Variants in IL33 observed in about 807,000 individuals in gnomAD.
IL33 encodes interleukin 33, also known as interleukin-33.
In IL33, 37 loss-of-function variants were observed where a neutral mutation model predicts 27.3. The ratio of observed to expected loss-of-function variants is 1.36; its 90% CI spans 1.04 to 1.78. IL33 has a LOEUF of 1.78. Among genes scored for constraint, IL33 ranks in the 40% most tolerant of loss-of-function variants. The pLI is 0.00. For synonymous variants in IL33, 132 were observed against 102.9 expected (o/e 1.28, Z -1.71); for missense variants, 406 against 311.4 (o/e 1.30, Z -2.29).
intron 1 of IL33, among the ~76,000 whole-genome samples, chr9:6,219,377 G>T (rs1485737450): frequency 1.3e-5 from 2 of 152,046 alleles, no homozygotes; most frequent in Non-Finnish European, 2.9e-5. Context: ...AGTGGTAAGG[G>T]GGAGTGAGGA....
chr9:6,230,121 A>C (rs923420411), intron 1 of IL33, among the ~76,000 whole-genome samples: 1 of 152,220 alleles, frequency 6.6e-6, no homozygotes, highest in African/African-American at 2.4e-5. Flanking sequence ...GCCAATGTAT[A>C]GAAATGACTG....
intron 1 of IL33, among the ~76,000 whole-genome samples, chr9:6,229,860 G>C (rs1818842287): frequency 6.6e-6 from 1 of 152,086 alleles, no homozygotes; most frequent in Non-Finnish European, 1.5e-5. Context: ...AGGGAGAGAG[G>C]AAACAATAAA....
intron 4 of IL33, among the ~76,000 whole-genome samples, chr9:6,252,044 C>A (rs10758751): frequency 0.72 from 73,344 of 102,288 alleles, 25,212 homozygotes; most frequent in East Asian, 0.82. Context: ...AGAAAAAAAA[C>A]AAACAAACAA....
intron 1 of IL33, among the ~76,000 whole-genome samples, chr9:6,240,048 G>C (rs547242676): frequency 3.9e-4 from 60 of 152,112 alleles, no homozygotes; most frequent in African/African-American, 1.4e-3. Flanking sequence ...CTACTTATTT[G>C]CTCTATACTA....
At chr9:6,235,391 TATGTATAAACTATTAAACATTA>T (rs1464634373) in intron 1 of IL33, among the ~76,000 whole-genome samples, 9 of 152,226 alleles carry the variant, frequency 5.9e-5, no homozygotes, top group Non-Finnish European at 1.3e-4. Context: ...ATCAAAGATT[TATGTATAAACTATTAAACATTA>T]AAGTTTTAGA....
In IL33 at chr9:6,251,161, T is replaced by C. The variant is rs745538437; in HGVS notation, c.239T>C (p.Leu80Pro). The C allele has an allele frequency of 1.5e-5, 24 of 1,613,794 alleles. No individual in the cohort carries two copies. Among genetic ancestry groups the C allele is most frequent in the Non-Finnish European group, 1.9e-5 (22 of 1,179,876 alleles). The change falls in exon 4 of 8, where the codon CTG becomes CCG. Residue 80 changes from leucine (L) to proline (P), a missense_variant. Transcript: ENST00000682010. ...LKTGRKHKRH[L>P]VLAACQQQST... ...GCAGGTAGAAAGCACAAAAGACATC[T>C]GGTACTCGCTGCCTGTCAACAGCAG...
chr9:6,256,227 T>A lies in IL33; in HGVS notation c.*59T>A, dbSNP rs1479842662. On this transcript the variant is annotated 3_prime_UTR_variant, in exon 8 of 8. Transcript: ENST00000682010. Reference sequence around the variant, plus strand: ...CCAAATGCTACCACTGGAGAAGGAATGAGAGATAAAGAAAGAGACAGGTGA... The same window carrying A: ...CCAAATGCTACCACTGGAGAAGGAAAGAGAGATAAAGAAAGAGACAGGTGA... 1.6e-6 allele frequency: 2 copies of A among 1,252,400 alleles called. No homozygotes were observed. Among genetic ancestry groups the A allele is most frequent in the East Asian group, 2.3e-5 (1 of 43,146 alleles). 77.6% of individuals were successfully genotyped at this position (1,252,400 alleles called of 1,614,324 possible). A position where few individuals can be genotyped will look rare whatever the true frequency, so the allele number is the denominator to read the frequency against.
intron 1 of IL33, among the ~76,000 whole-genome samples, chr9:6,216,330 C>G (rs1479389052): frequency 3.9e-5 from 6 of 152,122 alleles, no homozygotes; most frequent in Non-Finnish European, 8.8e-5. Context: ...AGGGTCTTTG[C>G]TTTGTTGCCA....
At chr9:6,250,350 G>T (rs1816275810) in intron 2 of IL33, 124 bp from the exon 3 acceptor site, 1 of 1,143,162 alleles carries the variant, frequency 8.7e-7, no homozygotes, top group Non-Finnish European at 1.2e-6. Flanking sequence ...ACACAGCTGA[G>T]TTAAGGATTT....
rs925807375 is a variant in IL33, at chr9:6,218,553, G to A, written c.-12+2701G>A. 3.4e-4 allele frequency among the ~76,000 whole-genome samples: 51 copies of A among 150,816 alleles called. 1 individual carries two copies. The East Asian group carries it at 4.3e-3, about 13-fold the overall frequency. ...CATCAGGGAATTAAATCATTACAGG[G>A]AAATACTGAAGAAGGGTCAGCATTG... On this transcript the variant is annotated intron_variant, in intron 1 of 7. Coordinates refer to ENST00000682010, the MANE Select transcript of IL33 (RefSeq NM_033439.4).
At chr9:6,247,111 C>T (rs1444287602) in intron 2 of IL33, among the ~76,000 whole-genome samples, 1 of 152,056 alleles carries the variant, frequency 6.6e-6, no homozygotes, top group Non-Finnish European at 1.5e-5. Context: ...TCATCAGCCT[C>T]TAAAAAGGTG....
intron 1 of IL33, among the ~76,000 whole-genome samples, chr9:6,235,145 A>T (rs1308315919): frequency 6.6e-6 from 1 of 152,056 alleles, no homozygotes; most frequent in Non-Finnish European, 1.5e-5. Flanking sequence ...GGCTCAGGTG[A>T]TCCTCCCACC....
intron 1 of IL33, among the ~76,000 whole-genome samples, chr9:6,241,229 A>C (rs1455831325): frequency 6.6e-6 from 1 of 152,248 alleles, no homozygotes; most frequent in African/African-American, 2.4e-5. Context: ...CAATAATGAT[A>C]AAAAGTATAG....
chr9:6,254,110 A>G (rs558728023), intron 6 of IL33, among the ~76,000 whole-genome samples: 1 of 152,354 alleles, frequency 6.6e-6, no homozygotes, highest in East Asian at 1.9e-4. Flanking sequence ...AGCCATAAGA[A>G]GGCAAGCTGG....
At chr9:6,244,700 G>A (rs1819724409) in intron 2 of IL33, among the ~76,000 whole-genome samples, 1 of 152,134 alleles carries the variant, frequency 6.6e-6, no homozygotes, top group Non-Finnish European at 1.5e-5. Context: ...AAATTTGACA[G>A]ATATCTCTGG....
chr9:6,254,687 C>T (rs995329268), intron 7 of IL33, 134 bp downstream of exon 7: 2 of 422,566 alleles, frequency 4.7e-6, no homozygotes, highest in Admixed American at 3.9e-5. Context: ...GTATATAAAG[C>T]ACAATCACTT....
chr9:6,232,733 A>T (rs1818985112), intron 1 of IL33, among the ~76,000 whole-genome samples: 1 of 151,858 alleles, frequency 6.6e-6, no homozygotes, highest in Non-Finnish European at 1.5e-5. Flanking sequence ...AGGGACCCTG[A>T]CCTCCTTTTC....
At chr9:6,230,446 C>G (rs1818872125) in intron 1 of IL33, among the ~76,000 whole-genome samples, 1 of 152,118 alleles carries the variant, frequency 6.6e-6, no homozygotes, top group Non-Finnish European at 1.5e-5. Context: ...ATTCCCCAAA[C>G]TTCTATCTTC....
In IL33 at chr9:6,254,539, G is replaced by A; in HGVS notation, c.598G>A (p.Glu200Lys). The A allele has an allele frequency of 6.3e-7, 1 of 1,591,750 alleles. No homozygotes were observed. Among genetic ancestry groups the A allele is most frequent in the Non-Finnish European group, 8.6e-7 (1 of 1,168,346 alleles). The part of the protein sequence containing the change: ...KDFWLHANNK[E>K]HSVELHKCEK... ...CTTCTGGTTGCATGCCAACAACAAG[G>A]AACACTCTGTGGAGGTAAAAAAAAA... Residue 200 changes from glutamate to lysine, a missense_variant, in exon 7 of 8, where the codon GAA becomes AAA. Coordinates refer to ENST00000682010, the MANE Select transcript of IL33 (RefSeq NM_033439.4).
Sources: gnomAD v4.1 joint callset for allele counts (sites outside exome capture counted in the v4.1 genomes callset) on GRCh38, gnomAD v4.1.1 for gene constraint, MANE v1.5 for transcripts, NCBI Gene and HGNC (gene_info 2026-07-23, HGNC 2026-07-21) for gene names.